The following SLC71A1 variants were observed in gnomAD, a reference collection of about 807,000 sequenced individuals.
SLC71A1 encodes solute carrier family 71 member 1.
the SLC71A1 span, chr1:100,050,099 A>G: frequency 5.8e-6 from 4 of 693,042 alleles, no homozygotes; most frequent in South Asian, 3.4e-5. Context: ...TGCACGGTTA[A>G]TTCTCCCACC....
the SLC71A1 span, among the ~76,000 whole-genome samples, chr1:100,063,220 CA>C: frequency 6.6e-6 from 1 of 151,948 alleles, no homozygotes; most frequent in East Asian, 1.9e-4. Context: ...TTGAAATTAA[CA>C]ATTTTCAATC....
chr1:100,061,290 T>C, the SLC71A1 span, among the ~76,000 whole-genome samples: 2 of 152,242 alleles, frequency 1.3e-5, no homozygotes, highest in African/African-American at 4.8e-5. Flanking sequence ...CTGTCTATTC[T>C]CAGTTTTATG....
chr1:100,070,247 G>A, the SLC71A1 span, among the ~76,000 whole-genome samples: 2 of 152,182 alleles, frequency 1.3e-5, no homozygotes, highest in African/African-American at 2.4e-5. Flanking sequence ...CAGCAGAGAC[G>A]CAAAGGTATG....
chr1:100,073,267 C>T, the SLC71A1 span, among the ~76,000 whole-genome samples: 2 of 152,218 alleles, frequency 1.3e-5, no homozygotes, highest in Non-Finnish European at 2.9e-5. Flanking sequence ...TCCATCTTGC[C>T]TCACTATAGT....
At chr1:100,080,392 A>C in the SLC71A1 span, 1 of 893,632 alleles carries the variant, frequency 1.1e-6, no homozygotes, top group Non-Finnish European at 1.8e-6. Flanking sequence ...GTGTCTGATA[A>C]GAAGCTTGAT....
chr1:100,048,238 G>T, the SLC71A1 span, among the ~76,000 whole-genome samples: 2 of 151,888 alleles, frequency 1.3e-5, no homozygotes, highest in Admixed American at 6.6e-5. Context: ...GGGTGCAGTG[G>T]TGGGATCTCA....
At chr1:100,065,501 C>T in the SLC71A1 span, among the ~76,000 whole-genome samples, 1 of 145,330 alleles carries the variant, frequency 6.9e-6, no homozygotes, top group Non-Finnish European at 1.5e-5. Context: ...CCCTCCCCTC[C>T]CCTTTCCACT....
the SLC71A1 span, chr1:100,059,767 T>G: frequency 1.1e-6 from 1 of 893,258 alleles, no homozygotes; most frequent in Non-Finnish European, 1.6e-6. Context: ...TTGTGATATA[T>G]TTACTTTAGA....
the SLC71A1 span, among the ~76,000 whole-genome samples, chr1:100,055,757 G>GT: frequency 2.0e-5 from 3 of 151,654 alleles, no homozygotes; most frequent in East Asian, 1.9e-4. Context: ...GTTTTGTTTT[G>GT]TTTTTTGTTT....
At chr1:100,060,504 C>T in the SLC71A1 span, among the ~76,000 whole-genome samples, 1 of 152,176 alleles carries the variant, frequency 6.6e-6, no homozygotes, top group Non-Finnish European at 1.5e-5. Flanking sequence ...CTTTTTCTAT[C>T]TTGCTGTTCT....
At chr1:100,061,237 A>G in the SLC71A1 span, among the ~76,000 whole-genome samples, 56 of 152,354 alleles carry the variant, frequency 3.7e-4, no homozygotes, top group African/African-American at 1.3e-3. Context: ...TTATAGCAAA[A>G]TATAGTTTAC....
At chr1:100,044,958 T>G in the SLC71A1 span, among the ~76,000 whole-genome samples, 3 of 152,248 alleles carry the variant, frequency 2.0e-5, no homozygotes, top group Non-Finnish European at 4.4e-5. Flanking sequence ...ATTTGTTTTT[T>G]GCTTAGTCTT....
the SLC71A1 span, chr1:100,078,673 T>C: frequency 1.5e-6 from 1 of 649,050 alleles, no homozygotes; most frequent in South Asian, 2.2e-5. Flanking sequence ...TTGCTTTTGA[T>C]ATAAACAGGA....
At chr1:100,061,246 A>G in the SLC71A1 span, among the ~76,000 whole-genome samples, 3 of 152,090 alleles carry the variant, frequency 2.0e-5, no homozygotes, top group Non-Finnish European at 1.5e-5. Flanking sequence ...AATATAGTTT[A>G]CTCTTTAAAT....
the SLC71A1 span, among the ~76,000 whole-genome samples, chr1:100,070,548 AGTT>A: frequency 3.9e-5 from 6 of 152,172 alleles, no homozygotes; most frequent in South Asian, 2.1e-4. Context: ...GTTGGTAAAC[AGTT>A]GTTGTGTGAT....
chr1:100,054,670 A>G, the SLC71A1 span, among the ~76,000 whole-genome samples: 7 of 152,148 alleles, frequency 4.6e-5, no homozygotes, highest in Non-Finnish European at 1.5e-5. Flanking sequence ...AAACAGCCCC[A>G]AAGCGTTTAA....
chr1:100,038,557 C>T, the SLC71A1 span, among the ~76,000 whole-genome samples: 1 of 152,222 alleles, frequency 6.6e-6, no homozygotes, highest in Admixed American at 6.5e-5. Flanking sequence ...CCGCCCTCTG[C>T]TCTGGCCGCC....
At chr1:100,066,744 CTT>C in the SLC71A1 span, among the ~76,000 whole-genome samples, 4 of 152,056 alleles carry the variant, frequency 2.6e-5, no homozygotes, top group Non-Finnish European at 4.4e-5. Flanking sequence ...AATCCCAGCA[CTT>C]TGGGAGGCCG....
chr1:100,068,953 G>GC, the SLC71A1 span, among the ~76,000 whole-genome samples: 3 of 152,194 alleles, frequency 2.0e-5, no homozygotes, highest in East Asian at 5.8e-4. Flanking sequence ...ATTCACTCCA[G>GC]CCTGGGTAAC....
Sources: gnomAD v4.1 joint callset for allele counts (sites outside exome capture counted in the v4.1 genomes callset) on GRCh38, gnomAD v4.1.1 for gene constraint, MANE v1.5 for transcripts, NCBI Gene and HGNC (gene_info 2026-07-23, HGNC 2026-07-21) for gene names.